Variants in NTRK3 observed in about 807,000 individuals in gnomAD.
The protein encoded by NTRK3 is neurotrophic receptor tyrosine kinase 3.
A neutral mutation model predicts 91.7 loss-of-function variants in NTRK3; 24 were observed. That is an observed-to-expected ratio of 0.26 (90% CI 0.19 to 0.37). The LOEUF (loss-of-function observed/expected upper bound fraction) is 0.37. Ranked by LOEUF, NTRK3 falls within the 10% of genes least tolerant of loss-of-function variation. The probability of loss-of-function intolerance (pLI) is 1.00; values close to 1 mark genes in which losing one functional copy is unlikely to be tolerated. For missense variants in NTRK3, 880 were observed against 1,068.9 expected, an observed-to-expected ratio of 0.82 and a Z score of 2.46; for synonymous variants, 483 against 404.0, an observed-to-expected ratio of 1.20 and a Z score of -2.34.
intron 14 of NTRK3, among the ~76,000 whole-genome samples, chr15:87,967,835 C>G (rs556267741): frequency 1.3e-5 from 2 of 152,284 alleles, no homozygotes; most frequent in Middle Eastern, 6.8e-3. Context: ...AAGTCAACAC[C>G]CATGGGGCAG....
chr15:88,066,286 C>T (rs1455310787), intron 13 of NTRK3, among the ~76,000 whole-genome samples: 1 of 152,320 alleles, frequency 6.6e-6, no homozygotes, highest in African/African-American at 2.4e-5. Flanking sequence ...GTTCCTCCTC[C>T]ATGACAGTAG....
At chr15:88,152,550 C>T (rs2043483650) in intron 5 of NTRK3, among the ~76,000 whole-genome samples, 1 of 152,172 alleles carries the variant, frequency 6.6e-6, no homozygotes, top group Admixed American at 6.5e-5. Context: ...ATGAGCCCTG[C>T]CAATGACACT....
At chr15:88,090,782 G>A (rs1004227888) in intron 13 of NTRK3, among the ~76,000 whole-genome samples, 1 of 151,980 alleles carries the variant, frequency 6.6e-6, no homozygotes, top group Non-Finnish European at 1.5e-5. Flanking sequence ...CTGCCCAGGG[G>A]CCGAACCCTG....
chr15:87,969,629 C>G (rs889327390), intron 14 of NTRK3, among the ~76,000 whole-genome samples: 19 of 152,136 alleles, frequency 1.2e-4, no homozygotes, highest in East Asian at 9.6e-4. Context: ...TTAAATATCA[C>G]AAAACCAAGT....
chr15:87,944,860 G>A (rs2070290300), intron 14 of NTRK3, among the ~76,000 whole-genome samples: 2 of 152,232 alleles, frequency 1.3e-5, no homozygotes, highest in South Asian at 2.1e-4. Flanking sequence ...GGAGTGAGCC[G>A]TTTCACTTCT....
intron 13 of NTRK3, among the ~76,000 whole-genome samples, chr15:88,096,324 A>C (rs2049595608): frequency 6.6e-6 from 1 of 152,158 alleles, no homozygotes; most frequent in Admixed American, 6.5e-5. Context: ...AGCCAGAATC[A>C]GTTTCTGTGG....
At chr15:87,889,214 T>A (rs758079892) in intron 17 of NTRK3, among the ~76,000 whole-genome samples, 2 of 152,074 alleles carry the variant, frequency 1.3e-5, no homozygotes, top group Non-Finnish European at 2.9e-5. Flanking sequence ...GATAACTATA[T>A]TCACCTCCCA....
chr15:88,101,975 C>A (rs1046705840), intron 13 of NTRK3, among the ~76,000 whole-genome samples: 3 of 152,000 alleles, frequency 2.0e-5, no homozygotes, highest in African/African-American at 7.3e-5. Context: ...TGTAACAAAC[C>A]TGCACGTTGT....
chr15:87,977,104 A>C (rs899923547), intron 14 of NTRK3, among the ~76,000 whole-genome samples: 3 of 152,204 alleles, frequency 2.0e-5, no homozygotes, highest in African/African-American at 7.2e-5. Context: ...ACCCTGGATG[A>C]ACCATTCAAC....
In NTRK3 at chr15:87,926,672, C is replaced by A. The variant is rs577481846; in HGVS notation, c.2133+2519G>T. The A allele has an allele frequency of 2.6e-5, 4 of 152,304 alleles. 1 individual carries two copies. In the South Asian group the frequency reaches 8.3e-4, roughly 32 times the overall value. 9.4% of individuals were successfully genotyped at this position (152,304 alleles called of 1,614,324 possible). A position where few individuals can be genotyped will look rare whatever the true frequency, so the allele number is the denominator to read the frequency against. On this transcript the variant is annotated intron_variant, in intron 17 of 18. Transcript: ENST00000394480. ...AAGAAATATCAATTGGGGATGTGAT[C>A]TTTTTATTTTTTGTTTTTCCTCTTT... is the stretch of plus-strand genomic sequence containing the variant.
intron 14 of NTRK3, among the ~76,000 whole-genome samples, chr15:87,974,964 G>A (rs911573469): frequency 1.3e-5 from 2 of 152,234 alleles, no homozygotes; most frequent in East Asian, 1.9e-4. Flanking sequence ...GGGCTGCAGA[G>A]TGGCCAAAAG....
At chr15:87,932,918 T>G in intron 16 of NTRK3, 94 bp downstream of exon 16, 1 of 1,248,680 alleles carries the variant, frequency 8.0e-7, no homozygotes, top group Non-Finnish European at 1.2e-6. Context: ...GAGGAAAGTG[T>G]TTAGAGGGGG....
intron 17 of NTRK3, 101 bp downstream of exon 17, chr15:87,929,090 A>T (rs2141905737): frequency 6.4e-7 from 1 of 1,568,806 alleles, no homozygotes; most frequent in South Asian, 1.1e-5. Flanking sequence ...GGGTGTGTAT[A>T]TGTGTGTGCC....
chr15:87,963,997 G>T (rs374171002), intron 14 of NTRK3, among the ~76,000 whole-genome samples: 1 of 152,130 alleles, frequency 6.6e-6, no homozygotes. Flanking sequence ...AATATAACAG[G>T]ATAGTATGGA....
chr15:88,009,129 G>C (rs1014621320), intron 14 of NTRK3, among the ~76,000 whole-genome samples: 4 of 152,180 alleles, frequency 2.6e-5, no homozygotes, highest in African/African-American at 9.7e-5. Context: ...AGGCAATGGA[G>C]AAACCCCTAC....
At position 88,234,172 on chromosome 15, in the gene NTRK3, T is replaced by C. The variant is rs2051470006; in HGVS notation, c.248+21734A>G. On this transcript the variant is annotated intron_variant, in intron 3 of 18. Coordinates refer to ENST00000394480, the Ensembl canonical transcript of NTRK3. The surrounding 1 kb of genome is among the most constrained non-coding windows in gnomAD (Gnocchi z 6.1). ...CAGGAGACGATGGACAGCACCCTAG[T>C]CCAATCACATCTGCCCCTCTCAGGA... Among the ~76,000 whole-genome samples the C allele has an allele frequency of 6.6e-6, 1 of 151,970 alleles. No homozygotes were observed. The highest frequency in any genetic ancestry group is 1.9e-4 in the East Asian group (1 of 5,166).
intron 14 of NTRK3, among the ~76,000 whole-genome samples, chr15:88,027,523 C>T (rs912638351): frequency 6.6e-6 from 1 of 152,178 alleles, no homozygotes; most frequent in African/African-American, 2.4e-5. Context: ...GCTGGGACTA[C>T]AGGCACCTGC....
intron 3 of NTRK3, among the ~76,000 whole-genome samples, chr15:88,221,209 G>A (rs570596079): frequency 6.6e-6 from 1 of 152,312 alleles, no homozygotes. Context: ...TAAAGTCACT[G>A]GCAATTACGG....
At chr15:87,998,283 C>G (rs2075847686) in intron 14 of NTRK3, among the ~76,000 whole-genome samples, 1 of 152,258 alleles carries the variant, frequency 6.6e-6, no homozygotes, top group African/African-American at 2.4e-5. Context: ...ATCAGGACCA[C>G]TAATGCTAGC....
Sources: gnomAD v4.1 joint callset for allele counts (sites outside exome capture counted in the v4.1 genomes callset) on GRCh38, gnomAD v4.1.1 for gene constraint, Gnocchi (gnomAD v3.1) non-coding constraint, MANE v1.5 for transcripts, NCBI Gene and HGNC (gene_info 2026-07-23, HGNC 2026-07-21) for gene names.